Variants in FBXW11 observed in about 807,000 individuals in gnomAD.
FBXW11 encodes F-box/WD repeat-containing protein 11.
In FBXW11, 19 loss-of-function variants were observed where a neutral mutation model predicts 77.6. The ratio of observed to expected loss-of-function variants is 0.24; its 90% CI spans 0.17 to 0.36. The LOEUF (loss-of-function observed/expected upper bound fraction) is 0.36, where lower values mean the gene tolerates loss of function less well. Among genes scored for constraint, FBXW11 ranks in the 10% least tolerant of loss-of-function variants. The pLI is 1.00. For synonymous variants in FBXW11, 235 were observed against 249.4 expected (o/e 0.94, Z 0.54); for missense variants, 334 against 704.2 (o/e 0.47, Z 5.95).
rs1165432519 is a variant in FBXW11, at chr5:171,933,287, C to T, written c.148-18882G>A. Among the ~76,000 whole-genome samples, 6 of 152,018 alleles carry T rather than the reference C, an allele frequency of 3.9e-5. No homozygotes were observed. The South Asian group carries it at 1.0e-3, about 26-fold the overall frequency. ...ATGAAAAGGCTACACACCGTGTGAT[C>T]CAACTAGATGACATTCTGGGAAAGG... On this transcript the variant is annotated intron_variant, in intron 2 of 13. Transcript: ENST00000517395.
chr5:171,903,966 C>T (rs964864102), intron 4 of FBXW11, among the ~76,000 whole-genome samples: 2 of 152,134 alleles, frequency 1.3e-5, no homozygotes, highest in African/African-American at 4.8e-5. Flanking sequence ...CTCTCTAGAA[C>T]CCTCTGCTCT....
chr5:171,951,552 G>A (rs1404697560), intron 2 of FBXW11, among the ~76,000 whole-genome samples: 5 of 118,378 alleles, frequency 4.2e-5, no homozygotes, highest in Non-Finnish European at 5.6e-5. Flanking sequence ...AAGAGAGAGA[G>A]AAAAAAAGTG....
intron 1 of FBXW11, among the ~76,000 whole-genome samples, chr5:171,994,136 T>C (rs773638704): frequency 6.6e-6 from 1 of 152,206 alleles, no homozygotes; most frequent in African/African-American, 2.4e-5. Flanking sequence ...TCAGAATATA[T>C]AGTTTTAGTC....
chr5:171,970,668 C>T (rs1293409967), intron 1 of FBXW11, among the ~76,000 whole-genome samples: 1 of 152,144 alleles, frequency 6.6e-6, no homozygotes, highest in Non-Finnish European at 1.5e-5. Flanking sequence ...TACGCCCACA[C>T]AGAGATTTGG....
intron 4 of FBXW11, among the ~76,000 whole-genome samples, chr5:171,902,012 T>C (rs577172147): frequency 1.3e-5 from 2 of 152,286 alleles, no homozygotes; most frequent in African/African-American, 2.4e-5. Flanking sequence ...TAGTACCTAT[T>C]ATTATAATAT....
At chr5:171,976,528 A>G (rs1701991904) in intron 1 of FBXW11, among the ~76,000 whole-genome samples, 1 of 152,120 alleles carries the variant, frequency 6.6e-6, no homozygotes, top group South Asian at 2.1e-4. Context: ...CAGTGCTGGG[A>G]GGTGGGGCTT....
chr5:171,874,952 G>GA (rs986068451), intron 9 of FBXW11, among the ~76,000 whole-genome samples: 14 of 150,464 alleles, frequency 9.3e-5, no homozygotes, highest in African/African-American at 2.7e-4. Flanking sequence ...TCTTCAAAAG[G>GA]AAAAAAAAGC....
chr5:171,948,282 T>C (rs1763124443), intron 2 of FBXW11, among the ~76,000 whole-genome samples: 1 of 136,984 alleles, frequency 7.3e-6, no homozygotes. Context: ...GTATGGAGTA[T>C]AAACCTATAT....
At chr5:171,958,018 G>A (rs1763706314) in intron 1 of FBXW11, among the ~76,000 whole-genome samples, 1 of 152,202 alleles carries the variant, frequency 6.6e-6, no homozygotes, top group Admixed American at 6.5e-5. Flanking sequence ...TTAGTGGTGA[G>A]ATTGTCGACT....
intron 1 of FBXW11, among the ~76,000 whole-genome samples, chr5:171,998,796 CAAAAAA>C (rs34476350): frequency 1.7e-5 from 1 of 60,036 alleles, no homozygotes; most frequent in Non-Finnish European, 3.8e-5. Context: ...GACTCCGTCT[CAAAAAA>C]AAAAAAAAAA....
intron 1 of FBXW11, among the ~76,000 whole-genome samples, chr5:171,963,690 C>A (rs1250197263): frequency 1.3e-5 from 2 of 152,074 alleles, no homozygotes; most frequent in Non-Finnish European, 2.9e-5. Flanking sequence ...TGGAGGTGGA[C>A]AGGGGATGGA....
intron 2 of FBXW11, among the ~76,000 whole-genome samples, chr5:171,923,519 C>T (rs529288016): frequency 2.7e-4 from 41 of 152,242 alleles, no homozygotes; most frequent in African/African-American, 9.6e-4. Context: ...TTACCTTGTA[C>T]ATTTTCATTT....
At chr5:171,926,488 G>GT (rs1761897992) in intron 2 of FBXW11, among the ~76,000 whole-genome samples, 1 of 152,190 alleles carries the variant, frequency 6.6e-6, no homozygotes, top group African/African-American at 2.4e-5. Context: ...GTTTCTCATG[G>GT]TTTAACACCA....
chr5:171,970,295 T>G (rs1408544146), intron 1 of FBXW11, among the ~76,000 whole-genome samples: 2 of 152,150 alleles, frequency 1.3e-5, no homozygotes, highest in Non-Finnish European at 2.9e-5. Context: ...TCTCAGGAGA[T>G]CTGATGGTTT....
At chr5:171,954,781 G>A (rs2113299003) in intron 2 of FBXW11, among the ~76,000 whole-genome samples, 1 of 152,206 alleles carries the variant, frequency 6.6e-6, no homozygotes, top group South Asian at 2.1e-4. Flanking sequence ...AATTTGGCAG[G>A]TTTTTCTTTT....
intron 1 of FBXW11, among the ~76,000 whole-genome samples, chr5:171,958,871 C>T (rs574329192): frequency 1.3e-5 from 2 of 152,268 alleles, no homozygotes; most frequent in African/African-American, 4.8e-5. Context: ...TTTGTTCTAG[C>T]TATAATTAGA....
Position 171,988,087 on chromosome 5 carries a change from A to G in FBXW11, c.45+18371T>C, listed in dbSNP as rs1394148794. 2.0e-5 allele frequency among the ~76,000 whole-genome samples: 3 copies of G among 152,224 alleles called. No individual in the cohort carries two copies. In the South Asian group the frequency reaches 6.2e-4, roughly 31 times the overall value. ...TAAAAGGCTAACAGAGTCAGAAAAA[A>G]GTCTCTCTAATATTACATCTGAATC... On this transcript the variant is annotated intron_variant, in intron 1 of 13. Coordinates refer to ENST00000517395, the MANE Select transcript of FBXW11 (RefSeq NM_001378974.1).
rs752235888 is a variant in FBXW11 at position 171,891,511 on chromosome 5, C to T, written c.808G>A (p.Asp270Asn). 13 of 1,606,748 alleles carry T rather than the reference C, an allele frequency of 8.1e-6. No individual in the cohort carries two copies. Among genetic ancestry groups the T allele is most frequent in the South Asian group, 5.6e-5 (5 of 89,756 alleles). Reference sequence around the variant, plus strand: ...AGGCCACTGATAATTTTTTCATCATCGTACTGTAAACAGTAGACACCTTTA... The same window carrying T: ...AGGCCACTGATAATTTTTTCATCATTGTACTGTAAACAGTAGACACCTTTA... ...NSKGVYCLQYDDEKIISGLRD... is the reference protein window; with the variant it reads ...NSKGVYCLQYNDEKIISGLRD... Residue 270 changes from aspartate to asparagine, a missense_variant, in exon 7 of 14, where the codon GAT (aspartate) becomes AAT (asparagine). By Grantham distance (23) the Asp-to-Asn change is conservative. Around this residue, in one of 10 missense-constraint regions of FBXW11, gnomAD observed 70 missense variants for 136.6 expected, o/e 0.51. Coordinates refer to ENST00000517395, the MANE Select transcript of FBXW11 (RefSeq NM_001378974.1).
At chr5:171,935,837 G>A (rs1762447059) in intron 2 of FBXW11, among the ~76,000 whole-genome samples, 1 of 152,126 alleles carries the variant, frequency 6.6e-6, no homozygotes, top group Non-Finnish European at 1.5e-5. Flanking sequence ...TGAGCCAGGT[G>A]TTGTGGCTCG....
Sources: allele counts gnomAD v4.1 joint callset (sites outside exome capture counted in the v4.1 genomes callset), GRCh38; gene constraint gnomAD v4.1.1; regional missense constraint gnomAD v4.1.1; transcripts MANE v1.5; gene names NCBI Gene and HGNC (gene_info 2026-07-23, HGNC 2026-07-21).